Variants in THRB observed in about 807,000 individuals in gnomAD.
THRB encodes the protein thyroid hormone receptor beta, also known as nuclear receptor subfamily 1 group A member 2.
A neutral mutation model predicts 47.8 loss-of-function variants in THRB; 12 were observed. The observed-to-expected ratio is 0.25, with a 90% CI of 0.16 to 0.41. The LOEUF (loss-of-function observed/expected upper bound fraction) is 0.41, where lower values mean the gene tolerates loss of function less well. Ranked by LOEUF, THRB falls within the 10% of genes least tolerant of loss-of-function variation. The pLI, the probability that THRB is intolerant of heterozygous loss-of-function variation, is 1.00. For synonymous variants in THRB, 218 were observed against 212.2 expected (o/e 1.03, Z -0.24); for missense variants, 348 against 589.2 (o/e 0.59, Z 4.24).
chr3:24,383,425 T>G (rs1455222051), intron 1 of THRB, among the ~76,000 whole-genome samples: 3 of 152,176 alleles, frequency 2.0e-5, no homozygotes, highest in African/African-American at 7.2e-5. Context: ...GGGCAGATAC[T>G]TGCTCTTTAT....
intron 1 of THRB, among the ~76,000 whole-genome samples, chr3:24,464,852 TAG>T: frequency 6.6e-6 from 1 of 152,358 alleles, no homozygotes; most frequent in East Asian, 1.9e-4. Context: ...TATAAAATAA[TAG>T]AGACTGTGGA....
intron 8 of THRB, among the ~76,000 whole-genome samples, chr3:24,133,806 C>T (rs1022246123): frequency 6.6e-6 from 1 of 152,100 alleles, no homozygotes; most frequent in Non-Finnish European, 1.5e-5. Flanking sequence ...ATTCCAGGGG[C>T]TCTGGGATGG....
intron 1 of THRB, among the ~76,000 whole-genome samples, chr3:24,355,354 C>G (rs2063608760): frequency 6.6e-6 from 1 of 152,056 alleles, no homozygotes; most frequent in African/African-American, 2.4e-5. Context: ...AATAAAGGAG[C>G]CTAATGAGAC....
chr3:24,229,897 T>C (rs1435345745), intron 3 of THRB, among the ~76,000 whole-genome samples: 2 of 152,194 alleles, frequency 1.3e-5, no homozygotes, highest in African/African-American at 4.8e-5. Flanking sequence ...AATATACTAC[T>C]AGCTGTGGGA....
intron 3 of THRB, among the ~76,000 whole-genome samples, chr3:24,262,499 T>A (rs2052169890): frequency 6.6e-6 from 1 of 152,238 alleles, no homozygotes; most frequent in East Asian, 1.9e-4. Context: ...GATTGTGTCT[T>A]CAGCTGTTGT....
At chr3:24,123,550 C>A (rs914346578) in intron 10 of THRB, among the ~76,000 whole-genome samples, 2 of 152,086 alleles carry the variant, frequency 1.3e-5, no homozygotes, top group African/African-American at 4.8e-5. Context: ...TATGAAGGGA[C>A]TGGGGACATT....
At chr3:24,334,847 A>G (rs2062141689) in intron 2 of THRB, among the ~76,000 whole-genome samples, 1 of 152,192 alleles carries the variant, frequency 6.6e-6, no homozygotes, top group African/African-American at 2.4e-5. Context: ...TTTCTGTACA[A>G]TCTTAGGAGG....
At chr3:24,226,739 C>A (rs1471341091) in intron 4 of THRB, among the ~76,000 whole-genome samples, 1 of 152,134 alleles carries the variant, frequency 6.6e-6, no homozygotes, top group African/African-American at 2.4e-5. Flanking sequence ...CTGCCTGGAC[C>A]ACCCTGGGCT....
chr3:24,481,170 T>C (rs147180492), intron 1 of THRB, among the ~76,000 whole-genome samples: 146 of 151,690 alleles, frequency 9.6e-4, no homozygotes, highest in African/African-American at 3.3e-3. Context: ...CCCAACTTAG[T>C]TGAGGAATTG....
Position 24,193,483 on chromosome 3 carries a change from C to T in THRB, c.23-3149G>A, listed in dbSNP as rs145054864. Among the ~76,000 whole-genome samples, 386 of 152,250 alleles carry T rather than the reference C, an allele frequency of 2.5e-3. 2 individuals carry two copies. The highest frequency in any genetic ancestry group is 0.01 in the Middle Eastern group (3 of 294). ...CAGATTTTGAATAAGCGTGTAGTTT[C>T]TTCAGACTCCAATATTTTACACAAC... On this transcript the variant is annotated intron_variant, in intron 4 of 10. Transcript: ENST00000646209.
chr3:24,282,938 A>T (rs1358683892), intron 3 of THRB, among the ~76,000 whole-genome samples: 3 of 152,058 alleles, frequency 2.0e-5, no homozygotes, highest in Non-Finnish European at 4.4e-5. Flanking sequence ...TTGTGGCAAT[A>T]ATCAATACCT....
intron 10 of THRB, among the ~76,000 whole-genome samples, chr3:24,127,293 C>G (rs1473953764): frequency 1.3e-5 from 2 of 152,190 alleles, no homozygotes; most frequent in Admixed American, 1.3e-4. Flanking sequence ...TGGCTTCTTT[C>G]TATCCTGGGA....
chr3:24,300,447 G>C (rs537829213), intron 2 of THRB, among the ~76,000 whole-genome samples: 1 of 152,054 alleles, frequency 6.6e-6, no homozygotes, highest in Non-Finnish European at 1.5e-5. Context: ...CCCAATTTCT[G>C]GGCATTCGCT....
intron 1 of THRB, among the ~76,000 whole-genome samples, chr3:24,379,829 T>TC (rs1406770643): frequency 6.6e-6 from 1 of 151,836 alleles, no homozygotes; most frequent in African/African-American, 2.4e-5. Context: ...ACTTCCAGGT[T>TC]CCCCCCTTAT....
At chr3:24,133,227 A>C in intron 9 of THRB, 89 bp downstream of exon 9, 10 of 1,435,516 alleles carry the variant, frequency 7.0e-6, no homozygotes, top group Non-Finnish European at 8.7e-6. Context: ...CCTACTAATT[A>C]ACATTAAATT....
intron 1 of THRB, among the ~76,000 whole-genome samples, chr3:24,402,511 T>TTTC (rs2067495575): frequency 6.6e-6 from 1 of 150,506 alleles, no homozygotes; most frequent in Non-Finnish European, 1.5e-5. Context: ...TTTTTTTTTT[T>TTTC]TTTTGGTAAC....
intron 8 of THRB, among the ~76,000 whole-genome samples, chr3:24,136,350 A>G (rs1360537475): frequency 6.6e-6 from 1 of 152,144 alleles, no homozygotes; most frequent in East Asian, 1.9e-4. Flanking sequence ...TCCATAATGG[A>G]TCTTAGATAC....
intron 1 of THRB, among the ~76,000 whole-genome samples, chr3:24,434,646 A>C (rs1297455506): frequency 1.3e-5 from 2 of 152,234 alleles, no homozygotes; most frequent in Non-Finnish European, 2.9e-5. Flanking sequence ...CAGTTGACAT[A>C]CAGAGAAAGT....
At chr3:24,378,027 A>G (rs146309983) in intron 1 of THRB, among the ~76,000 whole-genome samples, 11 of 152,302 alleles carry the variant, frequency 7.2e-5, no homozygotes, top group South Asian at 2.1e-4. Context: ...TTCTTTGACC[A>G]ATTTTTCTCC....
Sources: gnomAD v4.1 joint callset for allele counts (sites outside exome capture counted in the v4.1 genomes callset) on GRCh38, gnomAD v4.1.1 for gene constraint, MANE v1.5 for transcripts, NCBI Gene and HGNC (gene_info 2026-07-23, HGNC 2026-07-21) for gene names.